Variants in NECAB2 observed in about 807,000 individuals in gnomAD.
The protein encoded by NECAB2 is N-terminal EF-hand calcium binding protein 2.
In NECAB2, 68 loss-of-function variants were observed where a neutral mutation model predicts 51.9. That is an observed-to-expected ratio of 1.31 (90% CI 1.08 to 1.60). The LOEUF is 1.60. Among genes scored for constraint, NECAB2 ranks in the 40% most tolerant of loss-of-function variants. The probability of loss-of-function intolerance (pLI) is 0.00; values close to 1 mark genes in which losing one functional copy is unlikely to be tolerated. For synonymous variants in NECAB2, 329 were observed against 203.5 expected, an observed-to-expected ratio of 1.62 and a Z score of -5.25; for missense variants, 854 against 490.3, an observed-to-expected ratio of 1.74 and a Z score of -7.00.
At chr16:83,999,203 G>A (rs2084772048) in intron 10 of NECAB2, among the ~76,000 whole-genome samples, 1 of 152,228 alleles carries the variant, frequency 6.6e-6, no homozygotes, top group Non-Finnish European at 1.5e-5. Context: ...AGCCTGGGCA[G>A]GAGTGCGGCC....
chr16:83,999,034 C>A (rs1030932984), intron 10 of NECAB2, among the ~76,000 whole-genome samples: 1 of 152,174 alleles, frequency 6.6e-6, no homozygotes, highest in Admixed American at 6.5e-5. Context: ...TTTCTTCCAT[C>A]CCCAGAGCAC....
chr16:83,997,479 CTTTTTTTTTTTTT>C lies in NECAB2; in HGVS notation c.849+224_849+236del, dbSNP rs11296947. On this transcript the variant is annotated intron_variant, in intron 9 of 12. Coordinates refer to ENST00000305202, the MANE Select transcript of NECAB2 (RefSeq NM_019065.3). ...GGGTATTTCTTGAGGCTCCCTGGAC[CTTTTTTTTTTTTT>C]TTTTTTTTTTTTTGAGATGGAGTCT... Among the ~76,000 whole-genome samples, 56 of 53,280 alleles carry C rather than the reference CTTTTTTTTTTTTT, an allele frequency of 1.1e-3. 1 individual carries two copies. The East Asian group carries it at 0.014, about 13-fold the overall frequency. The allele number at this position is 53,280 out of a possible 152,430, so 35.0% of individuals were successfully genotyped here. A position where few individuals can be genotyped will look rare whatever the true frequency, so the allele number is the denominator to read the frequency against.
intron 10 of NECAB2, among the ~76,000 whole-genome samples, chr16:83,998,752 G>A (rs1177282637): frequency 3.3e-5 from 5 of 152,178 alleles, no homozygotes; most frequent in Admixed American, 6.5e-5. Flanking sequence ...TGAGGAAGGA[G>A]AGGAGAGTCG....
At chr16:83,994,782 G>C (rs1247277879) in intron 8 of NECAB2, 94 bp downstream of exon 8, 15 of 1,383,912 alleles carry the variant, frequency 1.1e-5, no homozygotes, top group Non-Finnish European at 1.2e-5. Flanking sequence ...CTGGGCTGCA[G>C]AGGGGCCAGG....
At chr16:83,995,513 A>G (rs1228037873) in intron 8 of NECAB2, among the ~76,000 whole-genome samples, 1 of 152,166 alleles carries the variant, frequency 6.6e-6, no homozygotes, top group East Asian at 1.9e-4. Flanking sequence ...TAGCAATGTT[A>G]GCAATTATTA....
Position 83,997,958 on chromosome 16 carries a change from G to A in NECAB2, c.850-247G>A, listed in dbSNP as rs183697358. Among the ~76,000 whole-genome samples the A allele has an allele frequency of 1.8e-3, 279 of 152,294 alleles. 1 individual carries two copies. Among genetic ancestry groups the A allele is most frequent in the African/African-American group, 6.2e-3 (257 of 41,560 alleles). ...TGTGCAGGTGGTTGTGGACATGGATGGGGCCTCTGTAAACAACCTCGTCTG... is the reference window on the plus strand; with the variant it reads ...TGTGCAGGTGGTTGTGGACATGGATAGGGCCTCTGTAAACAACCTCGTCTG... On this transcript the variant is annotated intron_variant, in intron 9 of 12. Transcript: ENST00000305202.
At position 83,994,605 on chromosome 16, in the gene NECAB2, G is replaced by C. The variant is rs750068155; in HGVS notation, c.716-4G>C. 6.2e-7 allele frequency: 1 copy of C among 1,614,032 alleles called. No homozygotes were observed. The highest frequency in any genetic ancestry group is 2.2e-5 in the East Asian group (1 of 44,884). ...AAGTCTGTGTGTCTCTTTCTCTACC[G>C]CAGCCACGGAGGATGCAAAGGAAGA... On this transcript the variant is annotated splice_polypyrimidine_tract_variant and splice_region_variant and intron_variant, in intron 7 of 12. Transcript: ENST00000305202.
At chr16:83,973,195 C>A (rs551897077) in intron 2 of NECAB2, among the ~76,000 whole-genome samples, 2 of 152,248 alleles carry the variant, frequency 1.3e-5, no homozygotes, top group Non-Finnish European at 2.9e-5. Context: ...TGCCCCAGGG[C>A]CCTTGGTCCC....
chr16:84,002,179 C>G, intron 12 of NECAB2, 139 bp from the exon 13 acceptor site: 1 of 1,186,608 alleles, frequency 8.4e-7, no homozygotes, highest in Non-Finnish European at 1.2e-6. Flanking sequence ...GTGGTTTGCA[C>G]CTGGGTGACC....
chr16:83,996,269 T>G (rs981959940), intron 8 of NECAB2, among the ~76,000 whole-genome samples: 3 of 152,228 alleles, frequency 2.0e-5, no homozygotes, highest in African/African-American at 7.2e-5. Flanking sequence ...GACTTGTTCC[T>G]GCCAGGCACA....
At chr16:84,000,924 C>T (rs961047498) in intron 11 of NECAB2, 123 bp downstream of exon 11, 11 of 917,180 alleles carry the variant, frequency 1.2e-5, no homozygotes, top group African/African-American at 1.6e-5. Context: ...ATTCCCGAGG[C>T]ATCTACCCGC....
In NECAB2 at chr16:83,994,633, G is replaced by T. The variant is rs748969973; in HGVS notation, c.740G>T (p.Gly247Val). 7.4e-6 allele frequency: 12 copies of T among 1,614,064 alleles called. No homozygotes were observed. The Admixed American group carries it at 8.3e-5, about 11-fold the overall frequency. Residue 247 changes from glycine to valine, a missense_variant, in exon 8 of 13, where the codon GGT (glycine) becomes GTT (valine). Transcript: ENST00000305202. Reference protein sequence around the residue: ...PSATEDAKEEGLEAQISRLAE... With the variant: ...PSATEDAKEEVLEAQISRLAE... ...GCCACGGAGGATGCAAAGGAAGAGG[G>T]TCTGGAAGCCCAGATCAGCCGCTTG...
intron 2 of NECAB2, 84 bp downstream of exon 2, chr16:83,972,259 G>A: frequency 6.3e-7 from 1 of 1,594,676 alleles, no homozygotes; most frequent in Non-Finnish European, 8.6e-7. Flanking sequence ...TAGGAGACAA[G>A]CGCAACCTTG....
intron 1 of NECAB2, among the ~76,000 whole-genome samples, chr16:83,969,542 G>A (rs77123299): frequency 0.021 from 3,252 of 151,682 alleles, 40 homozygotes; most frequent in Non-Finnish European, 0.031. Context: ...AGAGAGCTGG[G>A]TCCTCTTCAT....
intron 5 of NECAB2, among the ~76,000 whole-genome samples, chr16:83,982,276 C>T (rs894591450): frequency 6.6e-6 from 1 of 152,226 alleles, no homozygotes; most frequent in African/African-American, 2.4e-5. Context: ...GGGCCTCATT[C>T]TGGGCCTCCA....
intron 5 of NECAB2, among the ~76,000 whole-genome samples, chr16:83,986,577 G>C (rs2084559208): frequency 6.6e-6 from 1 of 152,028 alleles, no homozygotes. Flanking sequence ...CAGTGGCACA[G>C]TCATTACTCA....
chr16:84,000,408 G>A (rs537705784), intron 10 of NECAB2, among the ~76,000 whole-genome samples: 1 of 152,102 alleles, frequency 6.6e-6, no homozygotes, highest in Non-Finnish European at 1.5e-5. Context: ...CACTCCTCTA[G>A]TCCCCGCTAC....
chr16:83,994,490 C>T, intron 7 of NECAB2, 70 bp downstream of exon 7: 13 of 1,588,046 alleles, frequency 8.2e-6, no homozygotes, highest in Non-Finnish European at 1.0e-5. Context: ...AGTCCTCTGA[C>T]AGGGACTGGG....
chr16:83,966,685 C>T (rs2084284146), upstream of NECAB2, among the ~76,000 whole-genome samples: 2 of 152,182 alleles, frequency 1.3e-5, no homozygotes, highest in Non-Finnish European at 2.9e-5. Flanking sequence ...TCTCTGCCTG[C>T]CCCAAGGCCT....
Sources: allele counts gnomAD v4.1 joint callset (sites outside exome capture counted in the v4.1 genomes callset), GRCh38; gene constraint gnomAD v4.1.1; transcripts MANE v1.5; gene names NCBI Gene and HGNC (gene_info 2026-07-23, HGNC 2026-07-21).